The following NPBWR1 variants were observed in gnomAD, a reference collection of about 807,000 sequenced individuals.
NPBWR1 encodes the protein neuropeptides B/W receptor type 1.
A neutral mutation model predicts 2.8 loss-of-function variants in NPBWR1; 4 were observed. That is an observed-to-expected ratio of 1.44 (90% CI 0.71 to 3.29). NPBWR1 has a LOEUF of 3.29. NPBWR1 is among the 30% of genes most tolerant of loss of function. The probability of loss-of-function intolerance (pLI) is 0.01; values close to 1 mark genes in which losing one functional copy is unlikely to be tolerated. For missense variants in NPBWR1, 545 were observed against 462.5 expected, an observed-to-expected ratio of 1.18 and a Z score of -1.64; for synonymous variants, 250 against 224.5, an observed-to-expected ratio of 1.11 and a Z score of -1.02.
Position 52,939,704 on chromosome 8 carries a change from TTTCCAGCCCCGTGAGTCCGCGGCGACA to T in NPBWR1, c.-197-4_-175del, listed in dbSNP as rs1310778999. On this transcript the variant is annotated splice_acceptor_variant and splice_polypyrimidine_tract_variant and 5_prime_UTR_variant and intron_variant, in exon 2 of 2. Transcript: ENST00000674939. LOFTEE classifies it low-confidence loss of function (5UTR_SPLICE). ...AACTAACCTATGCTTTAAATTCCTC[TTTCCAGCCCCGTGAGTCCGCGGCGACA>T]TTGGGCCGTGGGGTGGCTGGGAACG... is the stretch of plus-strand genomic sequence containing the variant. 7.3e-5 allele frequency: 40 copies of T among 547,798 alleles called. No individual in the cohort carries two copies. In the East Asian group the frequency reaches 9.9e-4, roughly 13 times the overall value. The allele number at this position is 547,798 out of a possible 1,614,324, so 33.9% of individuals were successfully genotyped here. A position where few individuals can be genotyped will look rare whatever the true frequency, so the allele number is the denominator to read the frequency against.
At position 52,940,180 on chromosome 8, in the gene NPBWR1, C is replaced by T. The variant is rs767368092; in HGVS notation, c.273C>T (p.Pro91=). The change falls in exon 2 of 2, where the codon CCC becomes CCT. Residue 91 remains proline (P), a synonymous_variant. Transcript: ENST00000674939. The part of the protein sequence containing the change: ...IADELFTLVL[P]INIADFLLRQ... Reference sequence around the variant, plus strand: ...ACGAGCTCTTCACGCTGGTGCTGCCCATCAACATCGCCGACTTCCTGCTGC... The same window carrying T: ...ACGAGCTCTTCACGCTGGTGCTGCCTATCAACATCGCCGACTTCCTGCTGC... The T allele has an allele frequency of 5.6e-6, 9 of 1,613,754 alleles. No individual in the cohort carries two copies. Among genetic ancestry groups the T allele is most frequent in the Non-Finnish European group, 7.6e-6 (9 of 1,179,984 alleles).
rs749951590 is a variant in NPBWR1, at chr8:52,940,371, C to G, written c.464C>G (p.Ala155Gly). 1.2e-6 allele frequency: 2 copies of G among 1,605,154 alleles called. No individual in the cohort carries two copies. Among genetic ancestry groups the G allele is most frequent in the Non-Finnish European group, 8.5e-7 (1 of 1,178,596 alleles). Reference protein sequence around the residue: ...RRVAGRTYSAARAVSLAVWGI... With the variant: ...RRVAGRTYSAGRAVSLAVWGI... The stretch of plus-strand genomic sequence containing the variant: ...GTGGCCGGCCGCACCTACAGCGCCG[C>G]GCGCGCGGTGAGCCTGGCCGTGTGG... The change falls in exon 2 of 2, where the codon GCG (alanine) becomes GGG (glycine). Residue 155 changes from alanine to glycine, a missense_variant. Coordinates refer to ENST00000674939, the MANE Select transcript of NPBWR1 (RefSeq NM_005285.5).
Position 52,940,651 on chromosome 8 carries a change from G to A in NPBWR1, c.744G>A (p.Arg248=), listed in dbSNP as rs371447815. 1 of 1,611,166 alleles carries A rather than the reference G, an allele frequency of 6.2e-7. No homozygotes were observed. Among genetic ancestry groups the A allele is most frequent in the African/African-American group, 1.3e-5 (1 of 74,910 alleles). Residue 248 remains arginine (R), a synonymous_variant, in exon 2 of 2, where the codon CGG becomes CGA. Transcript: ENST00000674939. ...AGGCCCTGGAGCGCGCCAAGAAGCG[G>A]GTGACCTTCCTGGTGGTGGCAATCC... is the stretch of plus-strand genomic sequence containing the variant. The part of the protein sequence containing the change: ...HAKALERAKK[R]VTFLVVAILA...
rs1246595585 is a variant in NPBWR1, at chr8:52,942,665, C to T, written c.*1771C>T. On this transcript the variant is annotated 3_prime_UTR_variant, in exon 2 of 2. Transcript: ENST00000674939. ...CCCCCTTGGAATGGGGGGAAGCAAA[C>T]CCCCTCTCTAATTTTGGTGAATAAG... 6.6e-6 allele frequency among the ~76,000 whole-genome samples: 1 copy of T among 152,176 alleles called. No homozygotes were observed.
Position 52,940,282 on chromosome 8 carries a change from C to T in NPBWR1, c.375C>T (p.Tyr125=). Reference sequence around the variant, plus strand: ...AGTACAACACCTTCTCCAGCCTCTACTTCCTCACCGTCATGAGCGCCGACC... The same window carrying T: ...AGTACAACACCTTCTCCAGCCTCTATTTCCTCACCGTCATGAGCGCCGACC... ...IDQYNTFSSL[Y]FLTVMSADRY... is the part of the protein sequence containing the mutation. Residue 125 remains tyrosine (Y), a synonymous_variant, in exon 2 of 2, where the codon TAC becomes TAT. Transcript: ENST00000674939. 3 of 1,613,374 alleles carry T rather than the reference C, an allele frequency of 1.9e-6. No individual in the cohort carries two copies. Among genetic ancestry groups the T allele is most frequent in the South Asian group, 1.1e-5 (1 of 91,092 alleles).
At position 52,940,500 on chromosome 8, in the gene NPBWR1, T is replaced by G; in HGVS notation, c.593T>G (p.Phe198Cys). Residue 198 changes from phenylalanine (F) to cysteine (C), a missense_variant, in exon 2 of 2, where the codon TTC (phenylalanine) becomes TGC (cysteine). Physicochemically the swap from Phe to Cys is radical, Grantham distance 205. Transcript: ENST00000674939. The stretch of plus-strand genomic sequence containing the variant: ...CTAGTCTTTCCGCAGCCCGAGGCCT[T>G]CTGGTGGCGCGCGAGCCGCCTCTAC... ...CVLVFPQPEA[F>C]WWRASRLYTL... 1 of 1,585,098 alleles carries G rather than the reference T, an allele frequency of 6.3e-7. No individual in the cohort carries two copies. The highest frequency in any genetic ancestry group is 1.1e-5 in the South Asian group (1 of 88,530).
rs1307450669 is a variant in NPBWR1, at chr8:52,942,464, G to C, written c.*1570G>C. Among the ~76,000 whole-genome samples the C allele has an allele frequency of 1.3e-5, 2 of 152,162 alleles. No individual in the cohort carries two copies. Among genetic ancestry groups the C allele is most frequent in the Non-Finnish European group, 2.9e-5 (2 of 68,024 alleles). On this transcript the variant is annotated 3_prime_UTR_variant, in exon 2 of 2. Coordinates refer to ENST00000674939, the MANE Select transcript of NPBWR1 (RefSeq NM_005285.5). ...TGTTTTAAAAGGTATTAATCTTTAG[G>C]ATGAAGTCCAAACAGGATGAAAATT...
In NPBWR1 at chr8:52,940,039, C is replaced by T; in HGVS notation, c.132C>T (p.Tyr44=). Residue 44 remains tyrosine (Y), a synonymous_variant, in exon 2 of 2, where the codon TAC becomes TAT. Coordinates refer to ENST00000674939, the MANE Select transcript of NPBWR1 (RefSeq NM_005285.5). Reference sequence around the variant, plus strand: ...TGGCGGTGGCTGTACCAGTTGTCTACGCGGTGATCTGCGCCGTGGGTCTGG... The same window carrying T: ...TGGCGGTGGCTGTACCAGTTGTCTATGCGGTGATCTGCGCCGTGGGTCTGG... ...APLAVAVPVV[Y]AVICAVGLAG... is the part of the protein sequence containing the mutation. 6.2e-7 allele frequency: 1 copy of T among 1,607,472 alleles called. No homozygotes were observed. The highest frequency in any genetic ancestry group is 8.5e-7 in the Non-Finnish European group (1 of 1,179,876).
Position 52,940,389 on chromosome 8 carries a change from C to A in NPBWR1, c.482C>A (p.Ala161Asp), listed in dbSNP as rs1370176276. The A allele has an allele frequency of 1.2e-6, 2 of 1,603,052 alleles. No individual in the cohort carries two copies. The highest frequency in any genetic ancestry group is 1.7e-6 in the Non-Finnish European group (2 of 1,178,632). Residue 161 changes from alanine to aspartate, a missense_variant, in exon 2 of 2, where the codon GCC becomes GAC. Coordinates refer to ENST00000674939, the MANE Select transcript of NPBWR1 (RefSeq NM_005285.5). ...TYSAARAVSL[A>D]VWGIVTLVVL... ...AGCGCCGCGCGCGCGGTGAGCCTGG[C>A]CGTGTGGGGGATCGTCACACTCGTC...
At position 52,941,045 on chromosome 8, in the gene NPBWR1, G is replaced by C. The variant is rs1025658105; in HGVS notation, c.*151G>C. 43 of 1,078,104 alleles carry C rather than the reference G, an allele frequency of 4.0e-5. No individual in the cohort carries two copies. In the African/African-American group the frequency reaches 6.4e-4, roughly 16 times the overall value. 66.8% of individuals were successfully genotyped at this position (1,078,104 alleles called of 1,614,324 possible). On this transcript the variant is annotated 3_prime_UTR_variant, in exon 2 of 2. Transcript: ENST00000674939. ...CGACCTAGCAGATCGGAAGCGCTGC[G>C]ACTGTGCCCGCAGGTTGACCTTGCC...
rs898243379 is a variant in NPBWR1, at chr8:52,942,447, A to G, written c.*1553A>G. 7.2e-5 allele frequency among the ~76,000 whole-genome samples: 11 copies of G among 152,214 alleles called. No individual in the cohort carries two copies. Among genetic ancestry groups the G allele is most frequent in the African/African-American group, 2.7e-4 (11 of 41,456 alleles). ...CTGGTAATTGATTATGGTGTTTTAA[A>G]AGGTATTAATCTTTAGGATGAAGTC... is the stretch of plus-strand genomic sequence containing the variant. On this transcript the variant is annotated 3_prime_UTR_variant, in exon 2 of 2. Coordinates refer to ENST00000674939, the MANE Select transcript of NPBWR1 (RefSeq NM_005285.5).
rs1481217699 is a variant in NPBWR1 at position 52,940,904 on chromosome 8, C to T, written c.*10C>T. 2 of 1,574,838 alleles carry T rather than the reference C, an allele frequency of 1.3e-6. No homozygotes were observed. The highest frequency in any genetic ancestry group is 2.3e-5 in the East Asian group (1 of 44,356). On this transcript the variant is annotated 3_prime_UTR_variant, in exon 2 of 2. Transcript: ENST00000674939. ...CCGCGCGGCAGCCTGACTCCCCCAG[C>T]GTCCGGCTCCGCAACTGCCCGCCAC...
At position 52,940,659 on chromosome 8, in the gene NPBWR1, T is replaced by C; in HGVS notation, c.752T>C (p.Phe251Ser). The C allele has an allele frequency of 6.2e-7, 1 of 1,611,860 alleles. No homozygotes were observed. Among genetic ancestry groups the C allele is most frequent in the Non-Finnish European group, 8.5e-7 (1 of 1,179,748 alleles). Reference sequence around the variant, plus strand: ...GAGCGCGCCAAGAAGCGGGTGACCTTCCTGGTGGTGGCAATCCTGGCGGTG... The same window carrying C: ...GAGCGCGCCAAGAAGCGGGTGACCTCCCTGGTGGTGGCAATCCTGGCGGTG... ...ALERAKKRVT[F>S]LVVAILAVCL... The change falls in exon 2 of 2, where the codon TTC (phenylalanine) becomes TCC (serine). Residue 251 changes from phenylalanine to serine, a missense_variant. By Grantham distance (155) the Phe-to-Ser change is radical. Transcript: ENST00000674939.
rs764320883 is a variant in NPBWR1, at chr8:52,940,359, C to A, written c.452C>A (p.Thr151Asn). ...TAESRRVAGR[T>N]YSAARAVSLA... Reference sequence around the variant, plus strand: ...GAGTCGCGCCGGGTGGCCGGCCGCACCTACAGCGCCGCGCGCGCGGTGAGC... The same window carrying A: ...GAGTCGCGCCGGGTGGCCGGCCGCAACTACAGCGCCGCGCGCGCGGTGAGC... The change falls in exon 2 of 2, where the codon ACC (threonine) becomes AAC (asparagine). Residue 151 changes from threonine (T) to asparagine (N), a missense_variant. Coordinates refer to ENST00000674939, the MANE Select transcript of NPBWR1 (RefSeq NM_005285.5). The A allele has an allele frequency of 2.5e-6, 4 of 1,606,664 alleles. No homozygotes were observed. The highest frequency in any genetic ancestry group is 3.4e-6 in the Non-Finnish European group (4 of 1,178,808).
rs1585512935 is a variant in NPBWR1, at chr8:52,940,906, T to A, written c.*12T>A. 4.4e-6 allele frequency: 7 copies of A among 1,573,112 alleles called. No homozygotes were observed. Among genetic ancestry groups the A allele is most frequent in the Non-Finnish European group, 6.0e-6 (7 of 1,161,770 alleles). On this transcript the variant is annotated 3_prime_UTR_variant, in exon 2 of 2. Transcript: ENST00000674939. ...GCGCGGCAGCCTGACTCCCCCAGCG[T>A]CCGGCTCCGCAACTGCCCGCCACTC...
rs375725868 is a variant in NPBWR1, at chr8:52,940,219, C to T, written c.312C>T (p.Phe104=). The T allele has an allele frequency of 6.2e-7, 1 of 1,613,810 alleles. No homozygotes were observed. The highest frequency in any genetic ancestry group is 8.5e-7 in the Non-Finnish European group (1 of 1,179,994). The part of the protein sequence containing the change: ...IADFLLRQWP[F]GELMCKLIVA... The stretch of plus-strand genomic sequence containing the variant: ...ACTTCCTGCTGCGGCAGTGGCCCTT[C>T]GGGGAGCTCATGTGCAAGCTCATCG... The change falls in exon 2 of 2, where the codon TTC becomes TTT. Residue 104 remains phenylalanine (F), a synonymous_variant. Transcript: ENST00000674939.
In NPBWR1 at chr8:52,941,068, G is replaced by A. The variant is rs1860191148; in HGVS notation, c.*174G>A. Reference sequence around the variant, plus strand: ...GCGACTGTGCCCGCAGGTTGACCTTGCCAAGCCCTCCAGGTGATGCGCGGC... The same window carrying A: ...GCGACTGTGCCCGCAGGTTGACCTTACCAAGCCCTCCAGGTGATGCGCGGC... On this transcript the variant is annotated 3_prime_UTR_variant, in exon 2 of 2. Transcript: ENST00000674939. The A allele has an allele frequency of 7.0e-6, 6 of 852,064 alleles. No individual in the cohort carries two copies. Among genetic ancestry groups the A allele is most frequent in the Admixed American group, 5.9e-5 (2 of 34,080 alleles). The allele number at this position is 852,064 out of a possible 1,614,324, so 52.8% of individuals were successfully genotyped here.
At chr8:52,939,635 C>T in intron 1 of NPBWR1, 76 bp from the exon 2 acceptor site, 1 of 420,870 alleles carries the variant, frequency 2.4e-6, no homozygotes. Context: ...GCCACCCCCA[C>T]CCCTCCTCGG....
chr8:52,939,585 C>A, intron 1 of NPBWR1, 126 bp from the exon 2 acceptor site: 1 of 355,520 alleles, frequency 2.8e-6, no homozygotes, highest in Non-Finnish European at 5.0e-6. Context: ...CAACAGGTAG[C>A]AGAGAGCGCT....
Sources: gnomAD v4.1 joint callset for allele counts (sites outside exome capture counted in the v4.1 genomes callset) on GRCh38, gnomAD v4.1.1 for gene constraint, MANE v1.5 for transcripts, NCBI Gene and HGNC (gene_info 2026-07-23, HGNC 2026-07-21) for gene names.